CR1L: variants seen among roughly 807,000 people sequenced by gnomAD.
CR1L encodes complement component receptor 1-like protein.
In CR1L, 59 loss-of-function variants were observed where a neutral mutation model predicts 62.3. The ratio of observed to expected loss-of-function variants is 0.95; its 90% confidence interval spans 0.77 to 1.18. The LOEUF is 1.18. CR1L is among the 50% of genes most tolerant of loss of function. The pLI, the probability that CR1L is intolerant of heterozygous loss-of-function variation, is 0.00. For missense variants in CR1L, 700 were observed against 702.8 expected (o/e 1.00, Z 0.04); for synonymous variants, 279 against 248.7 (o/e 1.12, Z -1.15).
At chr1:207,680,712 T>A (rs1663782370) in intron 3 of CR1L, among the ~76,000 whole-genome samples, 1 of 152,228 alleles carries the variant, frequency 6.6e-6, no homozygotes. Flanking sequence ...GCCTGAGTCA[T>A]GCAGCAGGCA....
At chr1:207,697,985 C>A in intron 7 of CR1L, 112 bp downstream of exon 7, 1 of 1,470,594 alleles carries the variant, frequency 6.8e-7, no homozygotes, top group Non-Finnish European at 9.3e-7. Flanking sequence ...GACACACACA[C>A]ACACACACAC....
chr1:207,692,999 A>G (rs1558020362), intron 4 of CR1L, among the ~76,000 whole-genome samples: 1 of 152,178 alleles, frequency 6.6e-6, no homozygotes, highest in Non-Finnish European at 1.5e-5. Context: ...TCTTCTGACA[A>G]CAAATTCTTT....
At chr1:207,710,412 C>T (rs1455445946) in intron 10 of CR1L, 5 of 1,553,550 alleles carry the variant, frequency 3.2e-6, no homozygotes, top group Non-Finnish European at 4.4e-6. Context: ...CCCAACATCA[C>T]CAATGGATAT....
rs751000798 is a variant in CR1L, at chr1:207,697,818, C to G, written c.1087C>G (p.Leu363Val). The stretch of plus-strand genomic sequence containing the variant: ...GGGCCAACTTCCTAATGGCCATGTG[C>G]TATTTCCACTTAATCTCCAGCTTGG... ...FLGQLPNGHV[L>V]FPLNLQLGAK... The change falls in exon 7 of 12, where the codon CTA becomes GTA. Residue 363 changes from leucine (L) to valine (V), a missense_variant. By Grantham distance (32) the Leu-to-Val change is conservative. Transcript: ENST00000508064. The G allele has an allele frequency of 6.2e-7, 1 of 1,613,964 alleles. No homozygotes were observed. The highest frequency in any genetic ancestry group is 8.5e-7 in the Non-Finnish European group (1 of 1,179,882).
chr1:207,645,422 C>T, intron 1 of CR1L, 92 bp downstream of exon 1: 1 of 1,386,172 alleles, frequency 7.2e-7, no homozygotes, highest in Non-Finnish European at 1.0e-6. Flanking sequence ...GCTCACTGCA[C>T]GTCGTGCCTG....
At chr1:207,684,598 C>G (rs1463573396) in intron 4 of CR1L, among the ~76,000 whole-genome samples, 1 of 152,026 alleles carries the variant, frequency 6.6e-6, no homozygotes, top group African/African-American at 2.4e-5. Flanking sequence ...ACAAAGAATT[C>G]CCTAAGAAAC....
intron 1 of CR1L, chr1:207,669,365 A>C (rs1663572703): frequency 2.2e-6 from 2 of 905,250 alleles, no homozygotes; most frequent in Non-Finnish European, 3.5e-6. Flanking sequence ...AGGATTGGTC[A>C]CTCCTCTTTG....
intron 7 of CR1L, 62 bp downstream of exon 7, chr1:207,697,935 A>G: frequency 6.2e-7 from 1 of 1,609,822 alleles, no homozygotes; most frequent in Non-Finnish European, 8.5e-7. Context: ...TAGTCCAAAA[A>G]GGGGAGATTT....
At chr1:207,663,049 G>A (rs1051968199) in intron 1 of CR1L, among the ~76,000 whole-genome samples, 3 of 152,188 alleles carry the variant, frequency 2.0e-5, no homozygotes, top group East Asian at 3.8e-4. Context: ...GTGTCAGTCC[G>A]CCCCTACTGG....
At chr1:207,701,230 G>C (rs1664185561) in intron 8 of CR1L, among the ~76,000 whole-genome samples, 1 of 152,178 alleles carries the variant, frequency 6.6e-6, no homozygotes, top group Non-Finnish European at 1.5e-5. Flanking sequence ...AACTTTATTG[G>C]TAGTAAATAA....
chr1:207,670,879 C>G (rs1663603635), intron 1 of CR1L, among the ~76,000 whole-genome samples: 1 of 151,058 alleles, frequency 6.6e-6, no homozygotes, highest in Non-Finnish European at 1.5e-5. Context: ...AACTAAACTA[C>G]CTAGAAATTT....
intron 11 of CR1L, among the ~76,000 whole-genome samples, chr1:207,719,998 G>A (rs1654094279): frequency 1.3e-5 from 2 of 152,276 alleles, no homozygotes; most frequent in South Asian, 4.1e-4. Context: ...CTGTCATAAT[G>A]AAATGGAAAG....
At chr1:207,675,555 C>G (rs947215123) in intron 1 of CR1L, among the ~76,000 whole-genome samples, 1 of 152,154 alleles carries the variant, frequency 6.6e-6, no homozygotes, top group African/African-American at 2.4e-5. Context: ...TGAGGGGACC[C>G]AGTGGTAAGA....
intron 1 of CR1L, among the ~76,000 whole-genome samples, chr1:207,660,738 G>T (rs1242360543): frequency 6.6e-6 from 1 of 152,122 alleles, no homozygotes; most frequent in East Asian, 1.9e-4. Context: ...TGTGATGTTA[G>T]GGTGTCAATT....
chr1:207,714,339 C>A (rs1404779549), intron 10 of CR1L, among the ~76,000 whole-genome samples: 2 of 152,190 alleles, frequency 1.3e-5, no homozygotes. Flanking sequence ...TAGGGAAGAG[C>A]AGGTATATGT....
rs531896114 is a variant in CR1L at position 207,669,811 on chromosome 1, G to A, written c.98-7578G>A. 7.9e-5 allele frequency among the ~76,000 whole-genome samples: 12 copies of A among 151,358 alleles called. No individual in the cohort carries two copies. The South Asian group carries it at 2.3e-3, about 29-fold the overall frequency. ...TGCAGGGGCTTAAGTCGTGACGAGC[G>A]CAGTGGAAGGCGCAGATGCTGAGCG... On this transcript the variant is annotated intron_variant, in intron 1 of 11. Coordinates refer to ENST00000508064, the MANE Select transcript of CR1L (RefSeq NM_175710.2).
intron 1 of CR1L, chr1:207,653,186 G>C (rs762761469): frequency 6.2e-6 from 1 of 160,402 alleles, no homozygotes; most frequent in African/African-American, 2.4e-5. Flanking sequence ...TGAGGGGTAA[G>C]TAAGTTCCTC....
chr1:207,696,263 T>C (rs1242797467), intron 5 of CR1L, among the ~76,000 whole-genome samples: 1 of 152,216 alleles, frequency 6.6e-6, no homozygotes, highest in Non-Finnish European at 1.5e-5. Context: ...TTGGCATCGC[T>C]AGAATTGAAG....
Position 207,697,463 on chromosome 1 carries a change from T to G in CR1L, c.863-40T>G, listed in dbSNP as rs146121067. On this transcript the variant is annotated intron_variant, in intron 5 of 11. Coordinates refer to ENST00000508064, the MANE Select transcript of CR1L (RefSeq NM_175710.2). ...CAGTTTAACAGTGAGAGAAAAGTTATTTTCACACAATTAGCAGTACTTTGT... is the reference window on the plus strand; with the variant it reads ...CAGTTTAACAGTGAGAGAAAAGTTAGTTTCACACAATTAGCAGTACTTTGT... 68 of 1,613,390 alleles carry G rather than the reference T, an allele frequency of 4.2e-5. 1 individual carries two copies. The African/African-American group carries it at 6.8e-4, about 16-fold the overall frequency.
Sources: allele counts gnomAD v4.1 joint callset (sites outside exome capture counted in the v4.1 genomes callset), GRCh38; gene constraint gnomAD v4.1.1; transcripts MANE v1.5; gene names NCBI Gene and HGNC (gene_info 2026-07-23, HGNC 2026-07-21).